The following ANK3 variants were observed in gnomAD, a reference collection of about 807,000 sequenced individuals.
ANK3 encodes the protein ankyrin 3, also known as ankyrin-3.
In ANK3, 57 loss-of-function variants were observed where a neutral mutation model predicts 370.9. The observed-to-expected ratio is 0.15, with a 90% CI of 0.12 to 0.19. The LOEUF is 0.19. ANK3 is among the 10% of genes least tolerant of loss of function. The pLI is 1.00. For synonymous variants in ANK3, 1,929 were observed against 1,946.3 expected, an observed-to-expected ratio of 0.99 and a Z score of 0.23; for missense variants, 4,439 against 5,302.1, an observed-to-expected ratio of 0.84 and a Z score of 5.06.
chr10:60,493,786 A>G (rs2075585866), intron 2 of ANK3, among the ~76,000 whole-genome samples: 1 of 152,154 alleles, frequency 6.6e-6, no homozygotes, highest in Non-Finnish European at 1.5e-5. Context: ...AAAGGTGGTT[A>G]AGACACAGAA....
At chr10:60,573,861 A>G (rs2077648575) in intron 2 of ANK3, among the ~76,000 whole-genome samples, 1 of 152,208 alleles carries the variant, frequency 6.6e-6, no homozygotes, top group African/African-American at 2.4e-5. Context: ...GAGAGGGTTC[A>G]GGTCCATTCC....
intron 1 of ANK3, among the ~76,000 whole-genome samples, chr10:60,308,116 A>G (rs2045548246): frequency 6.6e-6 from 1 of 152,176 alleles, no homozygotes; most frequent in Admixed American, 6.5e-5. Flanking sequence ...TCTAATCTAC[A>G]AGGAAGCTTT....
chr10:60,095,763 A>T (rs1230669727), intron 28 of ANK3, among the ~76,000 whole-genome samples: 2 of 152,240 alleles, frequency 1.3e-5, no homozygotes, highest in Non-Finnish European at 2.9e-5. Context: ...GAAATCTATT[A>T]TGTCCATGTG....
chr10:60,306,501 T>C (rs1442321748), intron 1 of ANK3, among the ~76,000 whole-genome samples: 1 of 151,902 alleles, frequency 6.6e-6, no homozygotes, highest in African/African-American at 2.4e-5. Flanking sequence ...GTTGGTTCCA[T>C]ATCTTTGCAA....
intron 2 of ANK3, among the ~76,000 whole-genome samples, chr10:60,552,114 G>A (rs940428930): frequency 9.2e-5 from 14 of 152,170 alleles, no homozygotes; most frequent in South Asian, 8.3e-4. Flanking sequence ...CAAGGCGGCC[G>A]CCTGGACAAT....
intron 42 of ANK3, among the ~76,000 whole-genome samples, chr10:60,054,425 G>C (rs2078717124): frequency 6.6e-6 from 1 of 152,060 alleles, no homozygotes; most frequent in South Asian, 2.1e-4. Flanking sequence ...ATTTAGTGAA[G>C]GCAGTTATTA....
intron 25 of ANK3, among the ~76,000 whole-genome samples, chr10:60,119,378 T>C (rs528964071): frequency 6.6e-6 from 1 of 152,370 alleles, no homozygotes; most frequent in African/African-American, 2.4e-5. Flanking sequence ...ACTATTCACT[T>C]ATGTTTGTTC....
At chr10:60,436,088 C>CA (rs33919087) in intron 2 of ANK3, among the ~76,000 whole-genome samples, 83,429 of 144,554 alleles carry the variant, frequency 0.58, 24,245 homozygotes, top group African/African-American at 0.65. Flanking sequence ...GACTCCGTCT[C>CA]AAAAAAAAAT....
At chr10:60,171,492 A>G (rs576720138) in intron 21 of ANK3, among the ~76,000 whole-genome samples, 310 of 152,330 alleles carry the variant, frequency 2.0e-3, no homozygotes, top group Non-Finnish European at 3.7e-3. Flanking sequence ...AAGGGGACAG[A>G]GCTGATAATT....
chr10:60,235,576 T>C (rs1411237222), intron 7 of ANK3, among the ~76,000 whole-genome samples: 5 of 89,470 alleles, frequency 5.6e-5, no homozygotes, highest in South Asian at 3.8e-4. Flanking sequence ...TTTTTTTTTT[T>C]CTTTTTAAGT....
intron 2 of ANK3, among the ~76,000 whole-genome samples, chr10:60,458,804 T>C (rs538598730): frequency 6.6e-6 from 1 of 152,240 alleles, no homozygotes; most frequent in South Asian, 2.1e-4. Context: ...ATTACGCCTG[T>C]GTGAAGACGA....
At chr10:60,139,234 A>G in intron 23 of ANK3, 147 bp from the exon 24 acceptor site, 2 of 945,456 alleles carry the variant, frequency 2.1e-6, no homozygotes, top group South Asian at 3.4e-5. Flanking sequence ...TGAAACTCTC[A>G]TTTAGAAGGA....
intron 1 of ANK3, among the ~76,000 whole-genome samples, chr10:60,726,418 G>A (rs147223716): frequency 1.3e-5 from 2 of 152,278 alleles, no homozygotes; most frequent in South Asian, 4.1e-4. Context: ...TGGACACAAG[G>A]TTCAACAGTA....
At chr10:60,484,974 T>C (rs2075313649) in intron 2 of ANK3, among the ~76,000 whole-genome samples, 1 of 152,150 alleles carries the variant, frequency 6.6e-6, no homozygotes, top group Non-Finnish European at 1.5e-5. Context: ...ATTGATATAA[T>C]TAAATCCGAT....
chr10:60,283,732 G>C (rs115652910), intron 1 of ANK3, among the ~76,000 whole-genome samples: 2,822 of 152,212 alleles, frequency 0.019, 86 homozygotes, highest in African/African-American at 0.063. Context: ...TTTACCGGCA[G>C]TGGAATATTG....
intron 28 of ANK3, among the ~76,000 whole-genome samples, chr10:60,096,306 T>C (rs1226990113): frequency 6.6e-6 from 1 of 152,210 alleles, no homozygotes; most frequent in Non-Finnish European, 1.5e-5. Context: ...TGAACTTATA[T>C]GTATTTAGAT....
chr10:60,177,126 A>C lies in ANK3; in HGVS notation c.2185-3940T>G, dbSNP rs539128083. 7.9e-5 allele frequency among the ~76,000 whole-genome samples: 12 copies of C among 152,298 alleles called. No homozygotes were observed. The South Asian group carries it at 2.5e-3, about 32-fold the overall frequency. ...ATCTGAAACACCTTGACAGTTTTTC[A>C]TAATTTGACAGCCCTATCATATTCT... On this transcript the variant is annotated intron_variant, in intron 18 of 43. Transcript: ENST00000280772.
chr10:60,244,281 C>G (rs753838314), intron 7 of ANK3, among the ~76,000 whole-genome samples: 8 of 152,216 alleles, frequency 5.3e-5, no homozygotes, highest in Admixed American at 2.0e-4. Context: ...CTCCCCCAAC[C>G]CTCCCATGTC....
chr10:60,733,452 G>A (rs768524538), exon 1 of ANK3: 1 of 780,610 alleles, frequency 1.3e-6, no homozygotes. Flanking sequence ...GCGCGGCCCC[G>A]CGACGCCCGC....
Sources: allele counts gnomAD v4.1 joint callset (sites outside exome capture counted in the v4.1 genomes callset), GRCh38; gene constraint gnomAD v4.1.1; transcripts MANE v1.5; gene names NCBI Gene and HGNC (gene_info 2026-07-23, HGNC 2026-07-21).